F13A1: variants seen among roughly 807,000 people sequenced by gnomAD.
F13A1 encodes coagulation factor XIII A chain.
Under a neutral mutation model 80.1 loss-of-function variants are expected in F13A1, and 47 were observed. That is an observed-to-expected ratio of 0.59 (90% CI 0.46 to 0.75). The LOEUF is 0.75. Ranked by LOEUF, F13A1 falls within the 30% of genes least tolerant of loss-of-function variation. The pLI is 0.00. For missense variants in F13A1, 817 were observed against 930.4 expected (o/e 0.88, Z 1.59); for synonymous variants, 349 against 344.9 (o/e 1.01, Z -0.13).
At chr6:6,218,394 G>A (rs994691820) in intron 8 of F13A1, among the ~76,000 whole-genome samples, 17 of 152,122 alleles carry the variant, frequency 1.1e-4, no homozygotes, top group African/African-American at 2.9e-4. Context: ...TTGAGCAAGC[G>A]TCTTCATTAA....
rs398000295 is a variant in F13A1, at chr6:6,318,688, GA to G, written c.-18-7del. ...ATTTTTGACTTTACAAGGTCCTTCAGAAAAAAAAAAAAAAGAAGACAACAGA... is the reference window on the plus strand; with the variant it reads ...ATTTTTGACTTTACAAGGTCCTTCAGAAAAAAAAAAAAAGAAGACAACAGA... On this transcript the variant is annotated splice_region_variant and splice_polypyrimidine_tract_variant and intron_variant, in intron 1 of 14. Transcript: ENST00000264870. The G allele has an allele frequency of 2.5e-3, 3,773 of 1,483,208 alleles. No homozygotes were observed. Among genetic ancestry groups the G allele is most frequent in the Admixed American group, 3.3e-3 (166 of 50,510 alleles). The allele number at this position is 1,483,208 out of a possible 1,614,324, so 91.9% of individuals were successfully genotyped here.
rs772502553 is a variant in F13A1 at position 6,174,581 on chromosome 6, G to A, written c.1746C>T (p.Ser582=). The change falls in exon 12 of 15, where the codon TCC becomes TCT. Residue 582 remains serine, a splice_region_variant and synonymous_variant. Transcript: ENST00000264870. ...ETFDVTLEPL[S]FKKEAVLIQA... is the part of the protein sequence containing the mutation. The stretch of plus-strand genomic sequence containing the variant: ...AGAACCACACCATTGTTAGCTTACA[G>A]GACAAGGGCTCCAGCGTCACGTCGA... The A allele has an allele frequency of 1.2e-6, 2 of 1,614,098 alleles. No individual in the cohort carries two copies. The highest frequency in any genetic ancestry group is 2.2e-5 in the East Asian group (1 of 44,858).
At chr6:6,163,186 G>T (rs1314709666) in intron 13 of F13A1, among the ~76,000 whole-genome samples, 1 of 152,198 alleles carries the variant, frequency 6.6e-6, no homozygotes, top group Non-Finnish European at 1.5e-5. Flanking sequence ...TCAGTCAGTT[G>T]TGTGTCCATC....
At chr6:6,259,730 C>T (rs565665025) in intron 4 of F13A1, among the ~76,000 whole-genome samples, 24 of 152,112 alleles carry the variant, frequency 1.6e-4, no homozygotes, top group Non-Finnish European at 3.4e-4. Context: ...ATTTATTAAA[C>T]CTCAAGTGTG....
chr6:6,146,985 T>C (rs1010600775), intron 14 of F13A1, among the ~76,000 whole-genome samples: 5 of 152,106 alleles, frequency 3.3e-5, no homozygotes, highest in Admixed American at 6.5e-5. Flanking sequence ...TAAAAAGGAA[T>C]GAAACAATGG....
Position 6,316,100 on chromosome 6 carries a change from T to C in F13A1, c.130+2435A>G, listed in dbSNP as rs1292780205. Reference sequence around the variant, plus strand: ...GTGCATATATATATATATATATATATATATATATATATATATATATATATA... The same window carrying C: ...GTGCATATATATATATATATATATACATATATATATATATATATATATATA... On this transcript the variant is annotated intron_variant, in intron 2 of 14. Transcript: ENST00000264870. Among the ~76,000 whole-genome samples the C allele has an allele frequency of 4.7e-3, 143 of 30,398 alleles. 6 individuals carry two copies. Among genetic ancestry groups the C allele is most frequent in the African/African-American group, 0.019 (105 of 5,566 alleles). The allele number at this position is 30,398 out of a possible 152,430, so 19.9% of individuals were successfully genotyped here. A position where few individuals can be genotyped will look rare whatever the true frequency, so the allele number is the denominator to read the frequency against.
rs1266487087 is a variant in F13A1 at position 6,197,406 on chromosome 6, A to G, written c.1113-80T>C. On this transcript the variant is annotated intron_variant, in intron 8 of 14. Transcript: ENST00000264870. Reference sequence around the variant, plus strand: ...AGAGATCAAGAAGTGACGGCCAGGCACAGTGGCTCATGCCTGTAATCCCAG... The same window carrying G: ...AGAGATCAAGAAGTGACGGCCAGGCGCAGTGGCTCATGCCTGTAATCCCAG... 2.9e-6 allele frequency: 4 copies of G among 1,358,624 alleles called. No individual in the cohort carries two copies. The African/African-American group carries it at 4.3e-5, about 15-fold the overall frequency. The allele number at this position is 1,358,624 out of a possible 1,614,324, so 84.2% of individuals were successfully genotyped here.
intron 6 of F13A1, among the ~76,000 whole-genome samples, chr6:6,241,493 G>A (rs921227032): frequency 1.3e-5 from 2 of 152,118 alleles, no homozygotes; most frequent in Admixed American, 1.3e-4. Flanking sequence ...ACATAATCAT[G>A]ATTTGTTTTG....
rs1188165895 is a variant in F13A1 at position 6,188,837 on chromosome 6, A to G, written c.1306-6696T>C. ...TGACAGTGGGGTGTTAAAGTCTCCC[A>G]TTATTAATGTGTGGGAATCTAAGTC... On this transcript the variant is annotated intron_variant, in intron 10 of 14. Coordinates refer to ENST00000264870, the MANE Select transcript of F13A1 (RefSeq NM_000129.4). Among the ~76,000 whole-genome samples the G allele has an allele frequency of 2.8e-5, 2 of 71,726 alleles. 1 individual carries two copies. Among genetic ancestry groups the G allele is most frequent in the Admixed American group, 2.7e-4 (2 of 7,286 alleles). 47.1% of individuals were successfully genotyped at this position (71,726 alleles called of 152,430 possible).
chr6:6,245,032 T>G (rs916601829), intron 6 of F13A1, among the ~76,000 whole-genome samples: 7 of 152,122 alleles, frequency 4.6e-5, no homozygotes, highest in Non-Finnish European at 1.0e-4. Context: ...TTACCCCCAG[T>G]AGACATTTGG....
At chr6:6,300,234 G>T (rs1040911825) in intron 3 of F13A1, among the ~76,000 whole-genome samples, 1 of 145,164 alleles carries the variant, frequency 6.9e-6, no homozygotes, top group Non-Finnish European at 1.5e-5. Context: ...AGCCTACAGA[G>T]GCAGGCTGGC....
At chr6:6,258,677 A>G (rs886313126) in intron 4 of F13A1, among the ~76,000 whole-genome samples, 1 of 152,216 alleles carries the variant, frequency 6.6e-6, no homozygotes, top group African/African-American at 2.4e-5. Flanking sequence ...CTTGGCATAA[A>G]AAGCATAATA....
At chr6:6,233,453 T>G (rs1757377209) in intron 6 of F13A1, among the ~76,000 whole-genome samples, 1 of 152,042 alleles carries the variant, frequency 6.6e-6, no homozygotes, top group Non-Finnish European at 1.5e-5. Context: ...GAAATGGTAA[T>G]TAAAAACTTA....
intron 8 of F13A1, among the ~76,000 whole-genome samples, chr6:6,219,644 C>G (rs1443314018): frequency 6.6e-6 from 1 of 152,158 alleles, no homozygotes; most frequent in Non-Finnish European, 1.5e-5. Flanking sequence ...TGTCTGGGGA[C>G]AGCCCGCACT....
intron 13 of F13A1, among the ~76,000 whole-genome samples, chr6:6,159,764 G>A (rs548775464): frequency 6.6e-6 from 1 of 152,206 alleles, no homozygotes; most frequent in Non-Finnish European, 1.5e-5. Flanking sequence ...TGCTGGTCAT[G>A]CAGATATTCT....
At chr6:6,304,790 G>A (rs546017678) in intron 3 of F13A1, among the ~76,000 whole-genome samples, 1 of 149,058 alleles carries the variant, frequency 6.7e-6, no homozygotes, top group African/African-American at 2.5e-5. Flanking sequence ...TTGAACCTAG[G>A]AGGAAGAGGT....
At chr6:6,293,707 G>A (rs1362762109) in intron 3 of F13A1, among the ~76,000 whole-genome samples, 2 of 134,866 alleles carry the variant, frequency 1.5e-5, no homozygotes, top group African/African-American at 5.1e-5. Flanking sequence ...TATTTAGAAA[G>A]AAAGAAGGAA....
chr6:6,192,810 ATG>A (rs894948829), intron 10 of F13A1, among the ~76,000 whole-genome samples: 1 of 152,024 alleles, frequency 6.6e-6, no homozygotes, highest in East Asian at 1.9e-4. Context: ...GTGTGCATGC[ATG>A]TGTGTGTGTA....
chr6:6,280,966 T>C (rs983429201), intron 3 of F13A1, among the ~76,000 whole-genome samples: 4 of 152,192 alleles, frequency 2.6e-5, no homozygotes, highest in African/African-American at 9.7e-5. Flanking sequence ...AGTTTCATAC[T>C]GTTTGCGGAG....
Sources: gnomAD v4.1 joint callset for allele counts (sites outside exome capture counted in the v4.1 genomes callset) on GRCh38, gnomAD v4.1.1 for gene constraint, MANE v1.5 for transcripts, NCBI Gene and HGNC (gene_info 2026-07-23, HGNC 2026-07-21) for gene names.